POMT2: variants seen among roughly 807,000 people sequenced by gnomAD.
POMT2 encodes protein O-mannosyltransferase 2, also known as protein O-mannosyl-transferase 2.
A neutral mutation model predicts 100.0 loss-of-function variants in POMT2; 75 were observed. The ratio of observed to expected loss-of-function variants is 0.75; its 90% confidence interval spans 0.62 to 0.91. POMT2 has a LOEUF of 0.91. POMT2 is among the 40% of genes least tolerant of loss of function. POMT2 has a pLI of 0.00. For synonymous variants in POMT2, 378 were observed against 374.1 expected (o/e 1.01, Z -0.12); for missense variants, 940 against 955.1 (o/e 0.98, Z 0.21).
intron 9 of POMT2, among the ~76,000 whole-genome samples, chr14:77,292,364 C>T (rs1367748385): frequency 6.6e-6 from 1 of 152,188 alleles, no homozygotes; most frequent in Non-Finnish European, 1.5e-5. Context: ...AAGCATTGGG[C>T]AAGTCTTATC....
chr14:77,296,311 C>T (rs1308683143), intron 8 of POMT2, 38 bp from the exon 9 acceptor site: 1 of 1,448,474 alleles, frequency 6.9e-7, no homozygotes, highest in African/African-American at 1.4e-5. Flanking sequence ...TGAGCTGGCA[C>T]AGTGCCAGAG....
At chr14:77,314,950 C>T (rs538857951) in intron 1 of POMT2, among the ~76,000 whole-genome samples, 5 of 152,304 alleles carry the variant, frequency 3.3e-5, no homozygotes, top group Non-Finnish European at 5.9e-5. Context: ...GTCCCAGGAT[C>T]CCTCCCACTC....
rs765017777 is a variant in POMT2, at chr14:77,298,774, G to A, written c.924-3C>T. 6 of 1,611,602 alleles carry A rather than the reference G, an allele frequency of 3.7e-6. No individual in the cohort carries two copies. The highest frequency in any genetic ancestry group is 5.1e-6 in the Non-Finnish European group (6 of 1,178,840). ...TGAAGAAACCGTCACCAGGGCCACT[G>A]TGGGGAGAGGAAGAGCAGAAGAGAG... On this transcript the variant is annotated splice_region_variant and splice_polypyrimidine_tract_variant and intron_variant, in intron 7 of 20. Coordinates refer to ENST00000261534, the MANE Select transcript of POMT2 (RefSeq NM_013382.7).
intron 6 of POMT2, chr14:77,300,384 G>GGGAGTAT (rs1273069020): frequency 1.3e-5 from 2 of 154,944 alleles, no homozygotes; most frequent in Non-Finnish European, 1.4e-5. Context: ...CTACCTCATA[G>GGGAGTAT]GACTATTATG....
intron 8 of POMT2, among the ~76,000 whole-genome samples, chr14:77,298,138 T>C (rs1890893235): frequency 6.6e-6 from 1 of 152,130 alleles, no homozygotes; most frequent in South Asian, 2.1e-4. Context: ...CACACATTCT[T>C]CCAGGGCCTG....
chr14:77,306,282 T>C (rs1013032344), intron 3 of POMT2, 55 bp downstream of exon 3: 2 of 1,604,216 alleles, frequency 1.2e-6, no homozygotes, highest in East Asian at 2.2e-5. Flanking sequence ...ATAACATTTC[T>C]GGTTTAGTGT....
chr14:77,318,871 G>A (rs992417830), intron 1 of POMT2, among the ~76,000 whole-genome samples: 1 of 151,978 alleles, frequency 6.6e-6, no homozygotes, highest in African/African-American at 2.4e-5. Context: ...GAGTAGCTGG[G>A]ATTACAGGCA....
chr14:77,289,300 AG>A (rs1196180548), intron 10 of POMT2, among the ~76,000 whole-genome samples: 2 of 152,076 alleles, frequency 1.3e-5, no homozygotes, highest in Admixed American at 6.5e-5. Flanking sequence ...CTGAGGCAGG[AG>A]AATCGCTTGA....
At chr14:77,292,906 G>T (rs8006367) in intron 9 of POMT2, among the ~76,000 whole-genome samples, 13,700 of 152,146 alleles carry the variant, frequency 0.09, 779 homozygotes, top group South Asian at 0.19. Context: ...GTTTGTGTAA[G>T]TACATACTAT....
At chr14:77,287,516 CTG>C (rs10553451) in intron 11 of POMT2, 82,326 of 130,710 alleles carry the variant, frequency 0.63, 25,507 homozygotes, top group East Asian at 0.85. Flanking sequence ...CTCTCTGTCT[CTG>C]TCTCTCTCTC....
At chr14:77,278,230 G>A (rs1435911911) in intron 20 of POMT2, 164 bp downstream of exon 20, 1 of 666,258 alleles carries the variant, frequency 1.5e-6, no homozygotes, top group Non-Finnish European at 2.7e-6. Context: ...GGATCACCTG[G>A]GGGACTCTGG....
chr14:77,285,562 T>G lies in POMT2; in HGVS notation c.1403A>C (p.Lys468Thr). Residue 468 changes from lysine (K) to threonine (T), a missense_variant, in exon 13 of 21, where the codon AAA becomes ACA. By Grantham distance (78) the Lys-to-Thr change is moderately conservative. Transcript: ENST00000261534. ...GAAGCGAATTCGACTTCTCAGCACT[T>G]TGATCCGGTTTCCAAATTTCCTGTT... The part of the protein sequence containing the change: ...VVNRKFGNRI[K>T]VLRSRIRFIH... The G allele has an allele frequency of 6.2e-7, 1 of 1,614,156 alleles. No homozygotes were observed. Among genetic ancestry groups the G allele is most frequent in the Non-Finnish European group, 8.5e-7 (1 of 1,179,984 alleles).
At chr14:77,278,940 T>C in intron 18 of POMT2, 71 bp from the exon 19 acceptor site, 1 of 1,533,066 alleles carries the variant, frequency 6.5e-7, no homozygotes, top group Non-Finnish European at 8.9e-7. Context: ...GGTCCAGCTC[T>C]GCCCCTTCCT....
chr14:77,300,464 T>C (rs1433790779), intron 6 of POMT2: 1 of 156,930 alleles, frequency 6.4e-6, no homozygotes, highest in Non-Finnish European at 1.4e-5. Context: ...CCTTAATAAA[T>C]AATAAACTGT....
Position 77,298,748 on chromosome 14 carries a change from C to T in POMT2, c.947G>A (p.Ser316Asn). ...TGAAAGCCGGGCCTGGAAGGCAGAA[C>T]TGAAGAAACCGTCACCAGGGCCACT... ...SKSGPGDGFF[S>N]SAFQARLSGN... Residue 316 changes from serine to asparagine, a missense_variant, in exon 8 of 21, where the codon AGT becomes AAT. Physicochemically the swap from Ser to Asn is conservative, Grantham distance 46 (BLOSUM62 1). Coordinates refer to ENST00000261534, the MANE Select transcript of POMT2 (RefSeq NM_013382.7). 1 of 1,613,358 alleles carries T rather than the reference C, an allele frequency of 6.2e-7. No homozygotes were observed. The highest frequency in any genetic ancestry group is 8.5e-7 in the Non-Finnish European group (1 of 1,179,654).
Position 77,320,550 on chromosome 14 carries a change from C to T in POMT2, c.132G>A (p.Arg44=), listed in dbSNP as rs1224498608. 2 of 1,565,908 alleles carry T rather than the reference C, an allele frequency of 1.3e-6. No homozygotes were observed. The highest frequency in any genetic ancestry group is 2.3e-5 in the East Asian group (1 of 42,652). ...CGAAGCGCCGTGAGCCCCAAGCAGGCCGTTTGGGGCTTCGCGCCACAGCCT... is the reference window on the plus strand; with the variant it reads ...CGAAGCGCCGTGAGCCCCAAGCAGGTCGTTTGGGGCTTCGCGCCACAGCCT... ...AAEAVARSPK[R]PAWGSRRFEA... The change falls in exon 1 of 21, where the codon CGG becomes CGA. Residue 44 remains arginine, a synonymous_variant. Transcript: ENST00000261534.
chr14:77,301,972 C>T (rs538633087), intron 5 of POMT2, among the ~76,000 whole-genome samples: 3 of 152,302 alleles, frequency 2.0e-5, no homozygotes, highest in African/African-American at 7.2e-5. Flanking sequence ...GAGCTCAGTA[C>T]CTCCAGCTCC....
intron 1 of POMT2, among the ~76,000 whole-genome samples, chr14:77,317,036 C>T (rs757195543): frequency 4.6e-5 from 7 of 152,222 alleles, no homozygotes; most frequent in Non-Finnish European, 7.3e-5. Flanking sequence ...ACCACCAAGA[C>T]TGCTGCCATA....
At chr14:77,277,552 C>T (rs755681946) in intron 20 of POMT2, 71 bp from the exon 21 acceptor site, 3 of 1,208,762 alleles carry the variant, frequency 2.5e-6, no homozygotes, top group Non-Finnish European at 3.7e-6. Flanking sequence ...GAATTCCATT[C>T]CTCCTGCTGG....
Sources: allele counts gnomAD v4.1 joint callset (sites outside exome capture counted in the v4.1 genomes callset), GRCh38; gene constraint gnomAD v4.1.1; transcripts MANE v1.5; gene names NCBI Gene and HGNC (gene_info 2026-07-23, HGNC 2026-07-21).